SLC36A1: variants seen among roughly 807,000 people sequenced by gnomAD.
The protein encoded by SLC36A1 is proton-coupled amino acid transporter 1.
SLC36A1 carries 30 observed loss-of-function variants against 47.5 expected under a neutral mutation model. The observed-to-expected ratio is 0.63, with a 90% CI of 0.47 to 0.86. The LOEUF (loss-of-function observed/expected upper bound fraction) is 0.86. Among genes scored for constraint, SLC36A1 ranks in the 40% least tolerant of loss-of-function variants. SLC36A1 has a pLI of 0.00. For missense variants in SLC36A1, 517 were observed against 606.0 expected (o/e 0.85, Z 1.54); for synonymous variants, 255 against 249.7 (o/e 1.02, Z -0.20).
the SLC36A1 span, chr5:151,422,367 G>A: frequency 6.6e-6 from 1 of 152,190 alleles, no homozygotes; most frequent in Non-Finnish European, 1.5e-5. Context: ...GTGGGATGAA[G>A]GGCTGTTATT....
upstream of SLC36A1, among the ~76,000 whole-genome samples, chr5:151,435,351 A>G (rs1759706256): frequency 6.6e-6 from 1 of 152,216 alleles, no homozygotes; most frequent in African/African-American, 2.4e-5. Flanking sequence ...AAATGAAGAC[A>G]TTTTCAAACA....
chr5:151,367,876 A>G, the SLC36A1 span, among the ~76,000 whole-genome samples: 2 of 152,128 alleles, frequency 1.3e-5, no homozygotes, highest in African/African-American at 2.4e-5. Flanking sequence ...ACTGAGGGGA[A>G]TCTCCTTGTC....
the SLC36A1 span, chr5:151,347,271 T>C: frequency 2.4e-5 from 39 of 1,613,684 alleles, no homozygotes; most frequent in Non-Finnish European, 2.8e-5. Context: ...AAAGCAGAAA[T>C]AGGGATGGCA....
the SLC36A1 span, among the ~76,000 whole-genome samples, chr5:151,399,279 G>C: frequency 6.6e-6 from 1 of 151,476 alleles, no homozygotes; most frequent in African/African-American, 2.4e-5. Flanking sequence ...TAGAGACAGG[G>C]TTTCACCACG....
At chr5:151,543,246 C>G in the SLC36A1 span, 1 of 1,614,152 alleles carries the variant, frequency 6.2e-7, no homozygotes, top group Non-Finnish European at 8.5e-7. Flanking sequence ...TAACTAGGTC[C>G]TCTGGGTTCA....
the SLC36A1 span, among the ~76,000 whole-genome samples, chr5:151,357,584 T>C: frequency 6.6e-6 from 1 of 152,228 alleles, no homozygotes; most frequent in Non-Finnish European, 1.5e-5. Flanking sequence ...TGACACCTGT[T>C]TTTAGAAAAA....
At chr5:151,398,642 T>A in the SLC36A1 span, among the ~76,000 whole-genome samples, 1 of 152,210 alleles carries the variant, frequency 6.6e-6, no homozygotes, top group Non-Finnish European at 1.5e-5. Context: ...AGTGTGGTAA[T>A]GTGGGAGCAT....
intron 10 of SLC36A1, among the ~76,000 whole-genome samples, chr5:151,485,988 G>A (rs1222168496): frequency 1.3e-5 from 2 of 152,166 alleles, no homozygotes; most frequent in African/African-American, 4.8e-5. Context: ...GAGGCAGGAG[G>A]CATGAATCCA....
chr5:151,382,752 A>T, the SLC36A1 span, among the ~76,000 whole-genome samples: 1 of 152,208 alleles, frequency 6.6e-6, no homozygotes, highest in Non-Finnish European at 1.5e-5. Context: ...GCCGTGAGTG[A>T]CAACATGAGT....
At chr5:151,517,026 T>G in the SLC36A1 span, among the ~76,000 whole-genome samples, 1 of 151,628 alleles carries the variant, frequency 6.6e-6, no homozygotes, top group African/African-American at 2.4e-5. Context: ...GAGAATCGCT[T>G]GAACCTGGGA....
At chr5:151,497,112 C>T, downstream of SLC36A1, among the ~76,000 whole-genome samples, 1 of 151,958 alleles carries the variant, frequency 6.6e-6, no homozygotes, top group East Asian at 1.9e-4. Context: ...TTCTTTCTTT[C>T]TTTCTTTTTT....
chr5:151,411,222 C>A, the SLC36A1 span, among the ~76,000 whole-genome samples: 451 of 144,924 alleles, frequency 3.1e-3, 37 homozygotes, highest in African/African-American at 9.5e-3. Context: ...ATTTCTGCCT[C>A]ATAAATGAGC....
chr5:151,433,229 T>TATATAG (rs1182992860), upstream of SLC36A1, among the ~76,000 whole-genome samples: 1 of 5,390 alleles, frequency 1.9e-4, no homozygotes, highest in Non-Finnish European at 4.8e-4. Flanking sequence ...AACATATATA[T>TATATAG]ATATATATAT....
the SLC36A1 span, among the ~76,000 whole-genome samples, chr5:151,407,796 G>T: frequency 5.9e-5 from 9 of 152,216 alleles, no homozygotes; most frequent in Non-Finnish European, 1.0e-4. Flanking sequence ...TGGATGACCA[G>T]AGATGCTTAG....
chr5:151,524,584 G>A, the SLC36A1 span, among the ~76,000 whole-genome samples: 1 of 152,190 alleles, frequency 6.6e-6, no homozygotes, highest in African/African-American at 2.4e-5. Context: ...AGCCTATGGT[G>A]TTCTGTTGTA....
the SLC36A1 span, chr5:151,507,572 G>A: frequency 6.2e-7 from 1 of 1,613,608 alleles, no homozygotes. Context: ...GAGTGACTAG[G>A]CAGTGTCCTT....
At chr5:151,540,844 A>G in the SLC36A1 span, 2 of 1,302,000 alleles carry the variant, frequency 1.5e-6, no homozygotes, top group Admixed American at 4.5e-5. Context: ...TGCCCATTGG[A>G]TGCATTTTTT....
the SLC36A1 span, among the ~76,000 whole-genome samples, chr5:151,497,976 G>C: frequency 6.8e-6 from 1 of 147,368 alleles, no homozygotes; most frequent in Non-Finnish European, 1.5e-5. Context: ...ACGAAGTCTT[G>C]CTCTAATCCC....
chr5:151,515,197 G>A, the SLC36A1 span, among the ~76,000 whole-genome samples: 1 of 152,116 alleles, frequency 6.6e-6, no homozygotes, highest in African/African-American at 2.4e-5. Context: ...CTTGATACGT[G>A]TTCTTCACTT....
Sources: gnomAD v4.1 joint callset for allele counts (sites outside exome capture counted in the v4.1 genomes callset) on GRCh38, gnomAD v4.1.1 for gene constraint, MANE v1.5 for transcripts, NCBI Gene and HGNC (gene_info 2026-07-23, HGNC 2026-07-21) for gene names.